The following IMMP2L variants were observed in gnomAD, a reference collection of about 807,000 sequenced individuals.
IMMP2L encodes the protein inner mitochondrial membrane peptidase subunit 2, also known as mitochondrial inner membrane protease subunit 2.
A neutral mutation model predicts 19.3 loss-of-function variants in IMMP2L; 18 were observed. The ratio of observed to expected loss-of-function variants is 0.93; its 90% CI spans 0.64 to 1.38. The LOEUF (loss-of-function observed/expected upper bound fraction) is 1.38, where lower values mean the gene tolerates loss of function less well. Ranked by LOEUF, IMMP2L falls within the 40% of genes most tolerant of loss-of-function variation. The pLI is 0.00. For synonymous variants in IMMP2L, 76 were observed against 73.0 expected, an observed-to-expected ratio of 1.04 and a Z score of -0.21; for missense variants, 233 against 218.2, an observed-to-expected ratio of 1.07 and a Z score of -0.43.
intron 5 of IMMP2L, among the ~76,000 whole-genome samples, chr7:110,801,756 C>T (rs1431260212): frequency 1.3e-5 from 2 of 152,022 alleles, no homozygotes; most frequent in Admixed American, 6.6e-5. Flanking sequence ...TACACAGGCA[C>T]TGGTAAGGTA....
chr7:110,908,529 A>G (rs1449745712), intron 4 of IMMP2L, among the ~76,000 whole-genome samples: 1 of 152,204 alleles, frequency 6.6e-6, no homozygotes, highest in Non-Finnish European at 1.5e-5. Flanking sequence ...GTATATAATG[A>G]TACTAAAAGT....
intron 3 of IMMP2L, among the ~76,000 whole-genome samples, chr7:111,343,715 A>T (rs1007598045): frequency 6.6e-6 from 1 of 152,158 alleles, no homozygotes; most frequent in Non-Finnish European, 1.5e-5. Context: ...GACATAACAT[A>T]GAATAAAAAT....
chr7:110,882,374 T>TCC (rs1809776451), intron 5 of IMMP2L, among the ~76,000 whole-genome samples: 1 of 148,118 alleles, frequency 6.8e-6, no homozygotes, highest in Non-Finnish European at 1.5e-5. Context: ...TCTCTCTCTC[T>TCC]CCCTCTCTCT....
intron 5 of IMMP2L, among the ~76,000 whole-genome samples, chr7:110,718,042 G>A (rs1469351678): frequency 1.3e-5 from 2 of 152,142 alleles, no homozygotes; most frequent in African/African-American, 2.4e-5. Flanking sequence ...GAGGAGATGA[G>A]TTCTAAACCA....
At chr7:111,473,788 CTAT>C (rs1841477499) in intron 3 of IMMP2L, among the ~76,000 whole-genome samples, 1 of 152,158 alleles carries the variant, frequency 6.6e-6, no homozygotes, top group Non-Finnish European at 1.5e-5. Context: ...TAAAACAGAA[CTAT>C]CATTTGACCC....
chr7:110,946,906 G>A (rs1344169591), intron 4 of IMMP2L, among the ~76,000 whole-genome samples: 1 of 151,802 alleles, frequency 6.6e-6, no homozygotes, highest in African/African-American at 2.4e-5. Flanking sequence ...ATTTTTAGTA[G>A]AGATGGAGTT....
rs1351662099 is a variant in IMMP2L, at chr7:110,758,715, T to C, written c.409-94994A>G. Reference sequence around the variant, plus strand: ...GGAGTTTAACTCACTGTTTTGTCACTGATGAGCTCCAAGACCCCAGACAAA... The same window carrying C: ...GGAGTTTAACTCACTGTTTTGTCACCGATGAGCTCCAAGACCCCAGACAAA... On this transcript the variant is annotated intron_variant, in intron 5 of 5. Transcript: ENST00000405709. This position sits in a 1 kb window ranked among gnomAD's most constrained non-coding sequence, Gnocchi z 4.6. Among the ~76,000 whole-genome samples, 2 of 152,290 alleles carry C rather than the reference T, an allele frequency of 1.3e-5. No homozygotes were observed. Among genetic ancestry groups the C allele is most frequent in the East Asian group, 3.9e-4 (2 of 5,160 alleles).
At chr7:111,310,018 T>C (rs552023763) in intron 3 of IMMP2L, among the ~76,000 whole-genome samples, 3 of 152,058 alleles carry the variant, frequency 2.0e-5, no homozygotes, top group African/African-American at 7.2e-5. Context: ...GTGGATCACC[T>C]GAGGTTAGGA....
At chr7:110,898,639 A>C (rs1400979095) in intron 4 of IMMP2L, among the ~76,000 whole-genome samples, 2 of 152,128 alleles carry the variant, frequency 1.3e-5, no homozygotes, top group African/African-American at 2.4e-5. Flanking sequence ...CACATTATCT[A>C]CTTCCCTGGA....
chr7:111,528,350 C>T (rs78481471), intron 1 of IMMP2L, among the ~76,000 whole-genome samples: 3,048 of 152,174 alleles, frequency 0.02, 104 homozygotes, highest in African/African-American at 0.07. Flanking sequence ...TATCAGTTAC[C>T]TCATTCTTCT....
chr7:111,507,751 G>A (rs536882148), intron 2 of IMMP2L, among the ~76,000 whole-genome samples: 55 of 152,262 alleles, frequency 3.6e-4, no homozygotes, highest in Non-Finnish European at 6.2e-4. Flanking sequence ...CAACCAAAAT[G>A]TATCTGCTTG....
At chr7:110,767,578 T>G (rs1798751507) in intron 5 of IMMP2L, among the ~76,000 whole-genome samples, 2 of 152,192 alleles carry the variant, frequency 1.3e-5, no homozygotes, top group Admixed American at 6.6e-5. Context: ...AGAACGATAC[T>G]TAGATATAAT....
intron 3 of IMMP2L, among the ~76,000 whole-genome samples, chr7:111,225,966 G>A (rs1477039422): frequency 6.6e-6 from 1 of 152,222 alleles, no homozygotes; most frequent in East Asian, 1.9e-4. Flanking sequence ...GCAGTGGCTG[G>A]TAGGGATGGA....
intron 3 of IMMP2L, among the ~76,000 whole-genome samples, chr7:111,227,211 T>C (rs1306457061): frequency 6.6e-6 from 1 of 152,056 alleles, no homozygotes; most frequent in African/African-American, 2.4e-5. Flanking sequence ...CAAACAGCCA[T>C]ACAGTGCTCC....
At chr7:111,279,871 A>G (rs910065821) in intron 3 of IMMP2L, among the ~76,000 whole-genome samples, 8 of 152,120 alleles carry the variant, frequency 5.3e-5, no homozygotes, top group African/African-American at 1.9e-4. Flanking sequence ...TGCATTGCCC[A>G]GTTCATTGCA....
At chr7:110,887,026 A>G (rs1304693931) in intron 4 of IMMP2L, among the ~76,000 whole-genome samples, 1 of 152,052 alleles carries the variant, frequency 6.6e-6, no homozygotes, top group Non-Finnish European at 1.5e-5. Flanking sequence ...ATATAGATCT[A>G]TTTGTTTTTT....
chr7:110,925,935 A>G (rs987284074), intron 4 of IMMP2L, among the ~76,000 whole-genome samples: 1 of 152,126 alleles, frequency 6.6e-6, no homozygotes, highest in Non-Finnish European at 1.5e-5. Flanking sequence ...GATAACTCCC[A>G]TACTTGATCT....
chr7:111,190,977 T>A (rs568601687), intron 3 of IMMP2L, among the ~76,000 whole-genome samples: 2 of 152,034 alleles, frequency 1.3e-5, no homozygotes, highest in African/African-American at 4.8e-5. Context: ...ACATCAATAA[T>A]ACTTCTTCCT....
chr7:110,826,013 A>G (rs1803457400), intron 5 of IMMP2L, among the ~76,000 whole-genome samples: 1 of 152,224 alleles, frequency 6.6e-6, no homozygotes, highest in Non-Finnish European at 1.5e-5. Context: ...CAACCCCATC[A>G]AAAAGTGGGC....
Sources: gnomAD v4.1 joint callset for allele counts (sites outside exome capture counted in the v4.1 genomes callset) on GRCh38, gnomAD v4.1.1 for gene constraint, Gnocchi (gnomAD v3.1) non-coding constraint, MANE v1.5 for transcripts, NCBI Gene and HGNC (gene_info 2026-07-23, HGNC 2026-07-21) for gene names.